RFX2: variants seen among roughly 807,000 people sequenced by gnomAD.
RFX2 encodes regulatory factor X2, also known as DNA-binding protein RFX2.
In RFX2, 20 loss-of-function variants were observed where a neutral mutation model predicts 87.8. That is an observed-to-expected ratio of 0.23 (90% CI 0.16 to 0.33). The LOEUF is 0.33. RFX2 is among the 10% of genes least tolerant of loss of function. RFX2 has a pLI of 1.00. For synonymous variants in RFX2, 397 were observed against 431.3 expected, an observed-to-expected ratio of 0.92 and a Z score of 0.98; for missense variants, 767 against 1,012.3, an observed-to-expected ratio of 0.76 and a Z score of 3.29.
chr19:5,994,853 G>A lies in RFX2; in HGVS notation c.2154C>T (p.His718=). 2.5e-6 allele frequency: 4 copies of A among 1,609,852 alleles called. No individual in the cohort carries two copies. Among genetic ancestry groups the A allele is most frequent in the Non-Finnish European group, 3.4e-6 (4 of 1,179,374 alleles). The part of the protein sequence containing the change: ...LVKRERSDPN[H]SLQGI The stretch of plus-strand genomic sequence containing the variant: ...GGGGCTGCTAGATGCCCTGCAGGGA[G>A]TGGTTGGGGTCACTGCGCTCCCGCT... The change falls in exon 18 of 18, where the codon CAC becomes CAT. Residue 718 remains histidine (H), a synonymous_variant. Transcript: ENST00000303657.
At chr19:6,081,148 A>C (rs763332075) in intron 1 of RFX2, among the ~76,000 whole-genome samples, 27 of 152,178 alleles carry the variant, frequency 1.8e-4, no homozygotes, top group Non-Finnish European at 3.2e-4. Flanking sequence ...CTTAGATTAT[A>C]GACAGAAAGA....
At chr19:6,078,818 C>T (rs376958317) in intron 1 of RFX2, among the ~76,000 whole-genome samples, 24 of 152,158 alleles carry the variant, frequency 1.6e-4, no homozygotes, top group African/African-American at 5.8e-4. Flanking sequence ...GCTCTGTCTC[C>T]CAGGCTGGGG....
intron 1 of RFX2, among the ~76,000 whole-genome samples, chr19:6,109,149 C>G (rs1173553668): frequency 6.7e-6 from 1 of 149,886 alleles, no homozygotes; most frequent in Non-Finnish European, 1.5e-5. Flanking sequence ...AGTTTAGGTT[C>G]TTTAACAAAA....
rs2087202472 is a variant in RFX2 at position 6,047,174 on chromosome 19, G to GTTTCTT, written c.90+227_90+232dup. 6.6e-6 allele frequency among the ~76,000 whole-genome samples: 1 copy of GTTTCTT among 152,200 alleles called. No homozygotes were observed. Among genetic ancestry groups the GTTTCTT allele is most frequent in the Non-Finnish European group, 1.5e-5 (1 of 68,032 alleles). On this transcript the variant is annotated intron_variant, in intron 2 of 17. Coordinates refer to ENST00000303657, the MANE Select transcript of RFX2 (RefSeq NM_000635.4). This position sits in a 1 kb window ranked among gnomAD's most constrained non-coding sequence, Gnocchi z 4.2. ...AGATCAAGTCAGATTTGGGAGAGTG[G>GTTTCTT]TTTCTTTTCCATTCATGTCATTGTT...
chr19:6,025,563 G>A (rs2086876049), intron 6 of RFX2, among the ~76,000 whole-genome samples: 2 of 151,976 alleles, frequency 1.3e-5, no homozygotes, highest in African/African-American at 4.8e-5. Context: ...CACCTGCCAG[G>A]TATTGTTGAA....
intron 16 of RFX2, among the ~76,000 whole-genome samples, chr19:5,995,956 G>A (rs548837988): frequency 1.1e-4 from 16 of 152,334 alleles, no homozygotes; most frequent in South Asian, 2.1e-4. Context: ...TGGAAGAGCC[G>A]TGGGCCAAAT....
In RFX2 at chr19:6,002,615, G is replaced by T. The variant is rs952609971; in HGVS notation, c.1650+106C>A. 7.1e-7 allele frequency: 1 copy of T among 1,410,254 alleles called. No individual in the cohort carries two copies. The highest frequency in any genetic ancestry group is 1.3e-5 in the South Asian group (1 of 78,720). The allele number at this position is 1,410,254 out of a possible 1,614,324, so 87.4% of individuals were successfully genotyped here. On this transcript the variant is annotated intron_variant, in intron 14 of 17. Coordinates refer to ENST00000303657, the MANE Select transcript of RFX2 (RefSeq NM_000635.4). The surrounding 1 kb of genome is among the most constrained non-coding windows in gnomAD (Gnocchi z 6.7). ...TGTCATGCAACAGAACCGTGGCCAG[G>T]CTCGGGGCAGGGGCCAGGTTGTGCC... is the stretch of plus-strand genomic sequence containing the variant.
intron 7 of RFX2, among the ~76,000 whole-genome samples, chr19:6,014,583 G>A (rs937124392): frequency 6.6e-6 from 1 of 152,072 alleles, no homozygotes; most frequent in Non-Finnish European, 1.5e-5. Flanking sequence ...GACAGCCTGG[G>A]CCCTTTCTAG....
chr19:6,028,204 T>TAA (rs1159443945), intron 5 of RFX2, among the ~76,000 whole-genome samples: 23 of 144,778 alleles, frequency 1.6e-4, no homozygotes, highest in African/African-American at 5.6e-4. Context: ...CTTTCCAAAT[T>TAA]AAAAAAAAAA....
At chr19:6,088,790 A>T (rs548740334) in intron 1 of RFX2, among the ~76,000 whole-genome samples, 15 of 152,304 alleles carry the variant, frequency 9.8e-5, no homozygotes, top group Middle Eastern at 3.4e-3. Flanking sequence ...AGGGGGTGGC[A>T]AGCTTTTTTT....
At chr19:6,037,134 A>T (rs977217396) in intron 5 of RFX2, among the ~76,000 whole-genome samples, 1 of 151,960 alleles carries the variant, frequency 6.6e-6, no homozygotes, top group Non-Finnish European at 1.5e-5. Context: ...AATACAAAAA[A>T]TTAGCCGGGA....
intron 1 of RFX2, among the ~76,000 whole-genome samples, chr19:6,076,687 A>G (rs1412099029): frequency 1.3e-5 from 2 of 152,238 alleles, no homozygotes; most frequent in Non-Finnish European, 2.9e-5. Flanking sequence ...GTTGTAATTC[A>G]CACCATTATA....
At chr19:6,034,781 C>T (rs1458346714) in intron 5 of RFX2, among the ~76,000 whole-genome samples, 2 of 152,192 alleles carry the variant, frequency 1.3e-5, no homozygotes, top group African/African-American at 4.8e-5. Flanking sequence ...CTGCGAGCCA[C>T]CTCCATGGAC....
Position 6,047,439 on chromosome 19 carries a change from C to T in RFX2, c.58G>A (p.Ala20Thr). The T allele has an allele frequency of 6.2e-7, 1 of 1,602,176 alleles. No homozygotes were observed. The highest frequency in any genetic ancestry group is 8.5e-7 in the Non-Finnish European group (1 of 1,174,622). ...SPASVALRPS[A>T]AAPPVPASPQ... ...GAGGCTGGCACAGGCGGGGCTGCCGCCGAGGGACGCAGAGCCACGGACGCT... is the reference window on the plus strand; with the variant it reads ...GAGGCTGGCACAGGCGGGGCTGCCGTCGAGGGACGCAGAGCCACGGACGCT... Residue 20 changes from alanine to threonine, a missense_variant, in exon 2 of 18, where the codon GCG becomes ACG. By Grantham distance (58) the Ala-to-Thr change is moderately conservative. Coordinates refer to ENST00000303657, the MANE Select transcript of RFX2 (RefSeq NM_000635.4). The surrounding 1 kb of genome is among the most constrained non-coding windows in gnomAD (Gnocchi z 4.2).
Position 6,102,482 on chromosome 19 carries a change from C to G in RFX2, c.-9+7911G>C, listed in dbSNP as rs991991778. The stretch of plus-strand genomic sequence containing the variant: ...AAATGACTGGACACCTTTGATCTGA[C>G]AGGTACCGGCTGATGTGAACTCTAC... On this transcript the variant is annotated intron_variant, in intron 1 of 17. Coordinates refer to ENST00000303657, the MANE Select transcript of RFX2 (RefSeq NM_000635.4). Among the ~76,000 whole-genome samples the G allele has an allele frequency of 4.6e-5, 7 of 152,368 alleles. No homozygotes were observed. The East Asian group carries it at 1.3e-3, about 29-fold the overall frequency.
chr19:6,077,811 G>T lies in RFX2; in HGVS notation c.-8-30307C>A, dbSNP rs575942368. ...AGCCTGACCAACATGGAGAAACCCTGTCTCTATTAAAATACAAAATTAGCC... is the reference window on the plus strand; with the variant it reads ...AGCCTGACCAACATGGAGAAACCCTTTCTCTATTAAAATACAAAATTAGCC... On this transcript the variant is annotated intron_variant, in intron 1 of 17. Coordinates refer to ENST00000303657, the MANE Select transcript of RFX2 (RefSeq NM_000635.4). Among the ~76,000 whole-genome samples, 10 of 152,040 alleles carry T rather than the reference G, an allele frequency of 6.6e-5. No individual in the cohort carries two copies. The East Asian group carries it at 1.9e-3, about 29-fold the overall frequency.
intron 13 of RFX2, among the ~76,000 whole-genome samples, chr19:6,003,349 G>A (rs2086520982): frequency 6.6e-6 from 1 of 152,132 alleles, no homozygotes; most frequent in Admixed American, 6.5e-5. Context: ...ACAGGTGTGA[G>A]CCACTGCACC....
chr19:5,994,808 A>C lies in RFX2; in HGVS notation c.*27T>G. 1 of 1,480,236 alleles carries C rather than the reference A, an allele frequency of 6.8e-7. No homozygotes were observed. The highest frequency in any genetic ancestry group is 9.3e-7 in the Non-Finnish European group (1 of 1,071,838). The allele number at this position is 1,480,236 out of a possible 1,614,324, so 91.7% of individuals were successfully genotyped here. A position where few individuals can be genotyped will look rare whatever the true frequency, so the allele number is the denominator to read the frequency against. On this transcript the variant is annotated 3_prime_UTR_variant, in exon 18 of 18. Coordinates refer to ENST00000303657, the MANE Select transcript of RFX2 (RefSeq NM_000635.4). Reference sequence around the variant, plus strand: ...GAGTGACCAGGCGGCATCTTTTGGAACCTCGAGGAGGCGCCGGCCGGGGCT... The same window carrying C: ...GAGTGACCAGGCGGCATCTTTTGGACCCTCGAGGAGGCGCCGGCCGGGGCT...
Position 6,108,816 on chromosome 19 carries a change from C to G in RFX2, c.-9+1577G>C, listed in dbSNP as rs1599943105. ...GTTAAAATAGGAAGATGAACCGCGCCGGCAGCCGCCAGAATGGCCCGGGCG... is the reference window on the plus strand; with the variant it reads ...GTTAAAATAGGAAGATGAACCGCGCGGGCAGCCGCCAGAATGGCCCGGGCG... On this transcript the variant is annotated intron_variant, in intron 1 of 17. Coordinates refer to ENST00000303657, the MANE Select transcript of RFX2 (RefSeq NM_000635.4). Among the ~76,000 whole-genome samples, 4 of 152,284 alleles carry G rather than the reference C, an allele frequency of 2.6e-5. No homozygotes were observed. In the South Asian group the frequency reaches 8.3e-4, roughly 32 times the overall value.
Sources: gnomAD v4.1 joint callset for allele counts (sites outside exome capture counted in the v4.1 genomes callset) on GRCh38, gnomAD v4.1.1 for gene constraint, Gnocchi (gnomAD v3.1) non-coding constraint, MANE v1.5 for transcripts, NCBI Gene and HGNC (gene_info 2026-07-23, HGNC 2026-07-21) for gene names.